AJAP1: variants seen among roughly 807,000 people sequenced by gnomAD.
AJAP1 encodes the protein adherens junctions associated protein 1.
AJAP1 carries 5 observed loss-of-function variants against 35.0 expected under a neutral mutation model. The ratio of observed to expected loss-of-function variants is 0.14; its 90% CI spans 0.07 to 0.30. AJAP1 has a LOEUF of 0.30. Ranked by LOEUF, AJAP1 falls within the 10% of genes least tolerant of loss-of-function variation. The probability of loss-of-function intolerance (pLI) is 1.00; values close to 1 mark genes in which losing one functional copy is unlikely to be tolerated. For synonymous variants in AJAP1, 284 were observed against 249.3 expected (o/e 1.14, Z -1.31); for missense variants, 586 against 571.0 (o/e 1.03, Z -0.27).
intron 2 of AJAP1, among the ~76,000 whole-genome samples, chr1:4,756,410 C>T (rs529218482): frequency 1.3e-5 from 2 of 152,328 alleles, no homozygotes; most frequent in African/African-American, 4.8e-5. Context: ...CCTTTTCTGA[C>T]CCAAACTCCT....
In AJAP1 at chr1:4,790,950, T is replaced by TTGTTTC; in HGVS notation, c.*8470_*8471insCTGTTT. ...TTTGTTTTTGTTTTTGTTTTTGTTTTTGTTTTGTTTAATTTCCTCTTCTGG... is the reference window on the plus strand; with the variant it reads ...TTTGTTTTTGTTTTTGTTTTTGTTTTTGTTTCTGTTTTGTTTAATTTCCTCTTCTGG... On this transcript the variant is annotated 3_prime_UTR_variant, in exon 6 of 6. Coordinates refer to ENST00000378191, the MANE Select transcript of AJAP1 (RefSeq NM_018836.4). 7.5e-6 allele frequency: 1 copy of TTGTTTC among 133,646 alleles called. No individual in the cohort carries two copies. The allele number at this position is 133,646 out of a possible 1,614,324, so 8.3% of individuals were successfully genotyped here. A position where few individuals can be genotyped will look rare whatever the true frequency, so the allele number is the denominator to read the frequency against.
chr1:4,728,112 C>CT (rs1199132840), intron 2 of AJAP1, among the ~76,000 whole-genome samples: 1 of 152,188 alleles, frequency 6.6e-6, no homozygotes, highest in Non-Finnish European at 1.5e-5. Flanking sequence ...GTTCGAGCCT[C>CT]TAAGTGTGTG....
intron 1 of AJAP1, among the ~76,000 whole-genome samples, chr1:4,701,249 TA>T (rs917771381): frequency 6.6e-6 from 1 of 152,122 alleles, no homozygotes; most frequent in African/African-American, 2.4e-5. Flanking sequence ...GAACCAGGCT[TA>T]AAATATGCAC....
At chr1:4,765,547 G>A (rs1641665393) in intron 2 of AJAP1, among the ~76,000 whole-genome samples, 1 of 126,128 alleles carries the variant, frequency 7.9e-6, no homozygotes, top group South Asian at 2.5e-4. Context: ...TGAGAATGGT[G>A]CCATTTGCAT....
chr1:4,779,937 G>A (rs945335005), intron 5 of AJAP1, among the ~76,000 whole-genome samples: 1 of 152,002 alleles, frequency 6.6e-6, no homozygotes, highest in African/African-American at 2.4e-5. Context: ...CTGAAGTCAG[G>A]AGTTTGAGAC....
intron 1 of AJAP1, among the ~76,000 whole-genome samples, chr1:4,694,777 G>A (rs1474192886): frequency 1.3e-5 from 2 of 152,234 alleles, no homozygotes; most frequent in Admixed American, 1.3e-4. Flanking sequence ...AGGTACCCGG[G>A]GAGCCGAGCA....
At chr1:4,713,149 G>C (rs1229108668) in intron 2 of AJAP1, among the ~76,000 whole-genome samples, 1 of 152,220 alleles carries the variant, frequency 6.6e-6, no homozygotes, top group Non-Finnish European at 1.5e-5. Flanking sequence ...TCAAGGGTAT[G>C]GGACCCATGG....
intron 2 of AJAP1, among the ~76,000 whole-genome samples, chr1:4,744,575 CACA>C (rs1641144502): frequency 6.6e-6 from 1 of 151,766 alleles, no homozygotes; most frequent in African/African-American, 2.4e-5. Flanking sequence ...GCTGTGTGCA[CACA>C]ACATGAAGGG....
intron 2 of AJAP1, among the ~76,000 whole-genome samples, chr1:4,746,851 C>G (rs145016476): frequency 6.6e-6 from 1 of 152,178 alleles, no homozygotes; most frequent in Non-Finnish European, 1.5e-5. Context: ...CTGGGACTTT[C>G]ATTGACAAGG....
rs567832248 is a variant in AJAP1 at position 4,670,372 on chromosome 1, G to C, written c.29+14918G>C. Among the ~76,000 whole-genome samples the C allele has an allele frequency of 7.9e-5, 12 of 152,160 alleles. No homozygotes were observed. The East Asian group carries it at 9.6e-4, about 12-fold the overall frequency. On this transcript the variant is annotated intron_variant, in intron 1 of 5. Coordinates refer to ENST00000378191, the MANE Select transcript of AJAP1 (RefSeq NM_018836.4). ...TTGCCCCGGGATGAATCTTATTCTT[G>C]GTGCCTTTTCCTTTCCCCTTTTCCT... is the stretch of plus-strand genomic sequence containing the variant.
At chr1:4,727,239 G>A (rs2100292394) in intron 2 of AJAP1, among the ~76,000 whole-genome samples, 1 of 152,300 alleles carries the variant, frequency 6.6e-6, no homozygotes, top group Admixed American at 6.5e-5. Context: ...GCCAGGAGGA[G>A]CCTCACAGCC....
intron 1 of AJAP1, among the ~76,000 whole-genome samples, chr1:4,659,497 G>T (rs959448048): frequency 9.9e-5 from 15 of 152,116 alleles, no homozygotes; most frequent in African/African-American, 3.6e-4. Context: ...GCAGGGAGTG[G>T]TGGTGGTTAC....
At position 4,727,519 on chromosome 1, in the gene AJAP1, G is replaced by T. The variant is rs1640694045; in HGVS notation, c.829+14820G>T. Among the ~76,000 whole-genome samples, 3 of 152,214 alleles carry T rather than the reference G, an allele frequency of 2.0e-5. No homozygotes were observed. The South Asian group carries it at 6.2e-4, about 32-fold the overall frequency. On this transcript the variant is annotated intron_variant, in intron 2 of 5. Transcript: ENST00000378191. ...GGTCACTGATGTCCTCCACCTGCAT[G>T]TCTGCCTCTACAACCATATTCTCAC...
chr1:4,774,163 G>C (rs116970518), intron 4 of AJAP1, among the ~76,000 whole-genome samples: 23 of 152,176 alleles, frequency 1.5e-4, no homozygotes, highest in Non-Finnish European at 2.9e-4. Context: ...ACAGCCTTCC[G>C]GCCTGTGCAG....
At chr1:4,707,549 G>A (rs140002746) in intron 1 of AJAP1, among the ~76,000 whole-genome samples, 17 of 152,174 alleles carry the variant, frequency 1.1e-4, no homozygotes, top group African/African-American at 4.1e-4. Flanking sequence ...CCTGCTCAGG[G>A]TTTTCAAGGT....
intron 1 of AJAP1, among the ~76,000 whole-genome samples, chr1:4,689,018 G>A (rs999178409): frequency 6.6e-6 from 1 of 152,014 alleles, no homozygotes; most frequent in East Asian, 1.9e-4. Flanking sequence ...TCACATACGT[G>A]CTCAGGCCAA....
At chr1:4,758,514 G>A (rs373229957) in intron 2 of AJAP1, among the ~76,000 whole-genome samples, 18 of 152,238 alleles carry the variant, frequency 1.2e-4, no homozygotes, top group African/African-American at 2.6e-4. Context: ...CGAGTGAAGC[G>A]GGGAAAGAGC....
Position 4,772,443 on chromosome 1 carries a change from G to A in AJAP1, c.1081G>A (p.Val361Ile), listed in dbSNP as rs199545288. Residue 361 changes from valine to isoleucine, a missense_variant, in exon 4 of 6, where the codon GTC (valine) becomes ATC (isoleucine). By Grantham distance (29) the Val-to-Ile change is conservative. Transcript: ENST00000378191. The stretch of plus-strand genomic sequence containing the variant: ...GACCCTGCAGTGTTCTCACGAGTGC[G>A]TCAGGGCATCTGTGCCCGTGTACAC... ...NETLQCSHEC[V>I]RASVPVYTDE... 5.8e-5 allele frequency: 94 copies of A among 1,614,232 alleles called. No individual in the cohort carries two copies. The highest frequency in any genetic ancestry group is 8.9e-5 in the East Asian group (4 of 44,880).
intron 2 of AJAP1, among the ~76,000 whole-genome samples, chr1:4,766,617 C>A (rs1457529585): frequency 6.6e-6 from 1 of 152,170 alleles, no homozygotes; most frequent in East Asian, 1.9e-4. Flanking sequence ...AAGCAGGAGC[C>A]CAGGAGCCCA....
Sources: allele counts gnomAD v4.1 joint callset (sites outside exome capture counted in the v4.1 genomes callset), GRCh38; gene constraint gnomAD v4.1.1; transcripts MANE v1.5; gene names NCBI Gene and HGNC (gene_info 2026-07-23, HGNC 2026-07-21).